Variants in WDR17 observed in about 807,000 individuals in gnomAD.
WDR17 encodes WD repeat domain 17.
A neutral mutation model predicts 161.7 loss-of-function variants in WDR17; 143 were observed. The ratio of observed to expected loss-of-function variants is 0.88; its 90% CI spans 0.77 to 1.02. WDR17 has a LOEUF of 1.02. Among genes scored for constraint, WDR17 ranks in the 50% least tolerant of loss-of-function variants. The pLI is 0.00. For synonymous variants in WDR17, 517 were observed against 515.6 expected (o/e 1.00, Z -0.04); for missense variants, 1,469 against 1,520.9 (o/e 0.97, Z 0.57).
intron 1 of WDR17, among the ~76,000 whole-genome samples, chr4:176,103,345 C>T (rs946034985): frequency 6.6e-6 from 1 of 151,970 alleles, no homozygotes; most frequent in Non-Finnish European, 1.5e-5. Context: ...ACTCTGATTT[C>T]CAGAGTTACC....
In WDR17 at chr4:176,130,550, C is replaced by G. The variant is rs371370951; in HGVS notation, c.914-1004C>G. 4.2e-4 allele frequency among the ~76,000 whole-genome samples: 64 copies of G among 152,064 alleles called. No homozygotes were observed. In the East Asian group the frequency reaches 0.011, roughly 27 times the overall value. ...ACAAGGTCAGGAGATCGAGACCATC[C>G]TGGCTAACACAGTGAAACCCTGTCT... is the stretch of plus-strand genomic sequence containing the variant. On this transcript the variant is annotated intron_variant, in intron 6 of 28. Transcript: ENST00000508596.
intron 28 of WDR17, 36 bp from the exon 29 acceptor site, chr4:176,179,424 A>T: frequency 6.9e-7 from 1 of 1,445,936 alleles, no homozygotes; most frequent in East Asian, 2.5e-5. Context: ...CAAATTTATA[A>T]TCTCATCTTC....
At chr4:176,096,063 A>G (rs1736809789) in intron 1 of WDR17, among the ~76,000 whole-genome samples, 1 of 152,024 alleles carries the variant, frequency 6.6e-6, no homozygotes, top group Non-Finnish European at 1.5e-5. Context: ...GAAATATAGG[A>G]TTGGTTTTGT....
At chr4:176,134,074 G>A (rs751098213) in intron 7 of WDR17, among the ~76,000 whole-genome samples, 126 of 151,836 alleles carry the variant, frequency 8.3e-4, no homozygotes, top group Non-Finnish European at 1.1e-3. Context: ...CTTCAGCCAG[G>A]TGAACCAGTG....
chr4:176,115,980 G>T lies in WDR17; in HGVS notation c.307+1G>T, dbSNP rs780176594. The T allele has an allele frequency of 2.5e-6, 4 of 1,588,412 alleles. No homozygotes were observed. In the Admixed American group the frequency reaches 7.2e-5, roughly 29 times the overall value. ...ATTGCTAAACTCGACAGTACAAAAG[G>T]TATAATTACAACTGGGATTTATTTT... On this transcript the variant is annotated splice_donor_variant, in intron 3 of 28. Transcript: ENST00000508596. LOFTEE classifies it high-confidence loss of function.
intron 23 of WDR17, among the ~76,000 whole-genome samples, chr4:176,170,839 A>T (rs1323129022): frequency 6.6e-6 from 1 of 152,342 alleles, no homozygotes; most frequent in Non-Finnish European, 1.5e-5. Context: ...ACAAGTACAG[A>T]TGCTCCTCGA....
intron 17 of WDR17, 44 bp downstream of exon 17, chr4:176,152,011 T>G (rs776084169): frequency 1.9e-6 from 3 of 1,562,944 alleles, no homozygotes. Context: ...AACATAGTAG[T>G]CTAAACGTTA....
chr4:176,145,281 A>G (rs574183374), intron 11 of WDR17, among the ~76,000 whole-genome samples: 5 of 152,328 alleles, frequency 3.3e-5, no homozygotes, highest in African/African-American at 1.2e-4. Context: ...GCAGTATTCC[A>G]AGTTTGATCA....
intron 17 of WDR17, 140 bp from the exon 18 acceptor site, chr4:176,155,939 A>G: frequency 1.4e-6 from 1 of 706,390 alleles, no homozygotes; most frequent in Non-Finnish European, 2.2e-6. Context: ...AAAAGAAGTC[A>G]GAAAGTACCA....
chr4:176,146,439 G>C (rs913816340), intron 12 of WDR17, among the ~76,000 whole-genome samples: 1 of 152,124 alleles, frequency 6.6e-6, no homozygotes, highest in Admixed American at 6.5e-5. Flanking sequence ...AATTTAATAA[G>C]ATAAATAATT....
At chr4:176,112,562 A>G in intron 2 of WDR17, among the ~76,000 whole-genome samples, 1 of 152,116 alleles carries the variant, frequency 6.6e-6, no homozygotes, top group East Asian at 1.9e-4. Flanking sequence ...AGTCTTTCAT[A>G]TCTTGCCTTT....
At chr4:176,094,214 T>A (rs548843943) in intron 1 of WDR17, among the ~76,000 whole-genome samples, 22 of 152,196 alleles carry the variant, frequency 1.4e-4, no homozygotes, top group Non-Finnish European at 1.6e-4. Flanking sequence ...CTTTTCCAAG[T>A]TTCAGGAATA....
At chr4:176,079,542 A>G (rs1305596274) in intron 1 of WDR17, among the ~76,000 whole-genome samples, 1 of 152,174 alleles carries the variant, frequency 6.6e-6, no homozygotes, top group Non-Finnish European at 1.5e-5. Context: ...ATACACATAC[A>G]CACTCATACA....
intron 2 of WDR17, among the ~76,000 whole-genome samples, chr4:176,112,872 C>T (rs1740000491): frequency 6.6e-6 from 1 of 152,042 alleles, no homozygotes; most frequent in Admixed American, 6.6e-5. Context: ...TTAAGACTAT[C>T]TTGTTTTATT....
intron 8 of WDR17, among the ~76,000 whole-genome samples, chr4:176,136,023 T>A (rs1744342336): frequency 6.6e-6 from 1 of 151,674 alleles, no homozygotes; most frequent in Non-Finnish European, 1.5e-5. Context: ...AAGGGTTTTA[T>A]ATTTCATCAG....
At chr4:176,088,539 C>T (rs1402388055) in intron 1 of WDR17, among the ~76,000 whole-genome samples, 2 of 152,174 alleles carry the variant, frequency 1.3e-5, no homozygotes, top group Non-Finnish European at 2.9e-5. Context: ...AATACTGAAT[C>T]AGAAATATTT....
intron 17 of WDR17, among the ~76,000 whole-genome samples, chr4:176,154,262 C>T (rs1456457523): frequency 3.3e-5 from 5 of 152,094 alleles, no homozygotes; most frequent in Non-Finnish European, 7.4e-5. Context: ...AGGTGGATCA[C>T]CTGAGGTCGA....
intron 22 of WDR17, among the ~76,000 whole-genome samples, chr4:176,164,031 A>G (rs1749424570): frequency 4.6e-5 from 7 of 152,184 alleles, no homozygotes. Context: ...TGCAAGTCCC[A>G]TGCACACACA....
chr4:176,086,414 T>G (rs550282913), intron 1 of WDR17, among the ~76,000 whole-genome samples: 57 of 151,890 alleles, frequency 3.8e-4, no homozygotes, highest in South Asian at 8.3e-4. Flanking sequence ...TTACATAGTT[T>G]TCCTTTAATT....
Sources: gnomAD v4.1 joint callset for allele counts (sites outside exome capture counted in the v4.1 genomes callset) on GRCh38, gnomAD v4.1.1 for gene constraint, MANE v1.5 for transcripts, NCBI Gene and HGNC (gene_info 2026-07-23, HGNC 2026-07-21) for gene names.